The following CACNA1E variants were observed in gnomAD, a reference collection of about 807,000 sequenced individuals.
CACNA1E encodes the protein voltage-dependent R-type calcium channel subunit alpha-1E.
In CACNA1E, 40 loss-of-function variants were observed where a neutral mutation model predicts 259.2. The observed-to-expected ratio is 0.15, with a 90% confidence interval of 0.12 to 0.20. The LOEUF (loss-of-function observed/expected upper bound fraction) is 0.20, where lower values mean the gene tolerates loss of function less well. Ranked by LOEUF, CACNA1E falls within the 10% of genes least tolerant of loss-of-function variation. CACNA1E has a pLI of 1.00. For synonymous variants in CACNA1E, 1,104 were observed against 1,138.5 expected (o/e 0.97, Z 0.61); for missense variants, 1,874 against 3,040.1 (o/e 0.62, Z 9.02).
At chr1:181,486,042 C>T (rs1352986249) in intron 1 of CACNA1E, among the ~76,000 whole-genome samples, 1 of 152,272 alleles carries the variant, frequency 6.6e-6, no homozygotes, top group African/African-American at 2.4e-5. Flanking sequence ...GTTTCCTACA[C>T]CACGTGGTCA....
chr1:181,584,753 C>T (rs766535881), intron 6 of CACNA1E, among the ~76,000 whole-genome samples: 6 of 152,140 alleles, frequency 3.9e-5, no homozygotes, highest in African/African-American at 7.2e-5. Flanking sequence ...ATGTGGCTTC[C>T]ATCTTTGCTT....
chr1:181,763,162 T>A (rs541370490), intron 33 of CACNA1E, among the ~76,000 whole-genome samples: 2 of 152,222 alleles, frequency 1.3e-5, no homozygotes, highest in African/African-American at 4.8e-5. Context: ...GGGAGGCTGG[T>A]TTTGTGTGCA....
intron 1 of CACNA1E, among the ~76,000 whole-genome samples, chr1:181,500,793 C>T (rs1363618508): frequency 6.6e-6 from 1 of 152,210 alleles, no homozygotes; most frequent in Non-Finnish European, 1.5e-5. Context: ...CTTTGAATGC[C>T]AGGGCACAGT....
chr1:181,681,394 T>G (rs1416290709), intron 7 of CACNA1E, among the ~76,000 whole-genome samples: 1 of 152,226 alleles, frequency 6.6e-6, no homozygotes, highest in Non-Finnish European at 1.5e-5. Context: ...CCTCTGGAAT[T>G]CCTGGAGCAT....
rs548140046 is a variant in CACNA1E at position 181,571,812 on chromosome 1, A to T, written c.513-5954A>T. Among the ~76,000 whole-genome samples, 6 of 152,088 alleles carry T rather than the reference A, an allele frequency of 3.9e-5. No individual in the cohort carries two copies. In the South Asian group the frequency reaches 1.3e-3, roughly 32 times the overall value. ...GAGACATCCTGGACCTAATGGTGTAAGATCTCTGGCTTGTGTCTCCTTTCA... is the reference window on the plus strand; with the variant it reads ...GAGACATCCTGGACCTAATGGTGTATGATCTCTGGCTTGTGTCTCCTTTCA... On this transcript the variant is annotated intron_variant, in intron 3 of 47. Coordinates refer to ENST00000367573, the MANE Select transcript of CACNA1E (RefSeq NM_001205293.3).
At chr1:181,617,575 A>G (rs1655339546) in intron 6 of CACNA1E, among the ~76,000 whole-genome samples, 1 of 152,154 alleles carries the variant, frequency 6.6e-6, no homozygotes, top group African/African-American at 2.4e-5. Context: ...TTTCATGCCA[A>G]TCCCCCTATC....
intron 7 of CACNA1E, among the ~76,000 whole-genome samples, chr1:181,702,227 C>T (rs1383902737): frequency 6.6e-6 from 1 of 152,040 alleles, no homozygotes; most frequent in Non-Finnish European, 1.5e-5. Flanking sequence ...TAGCTTAAAA[C>T]TTTGGGGTCA....
At chr1:181,763,565 G>C in intron 34 of CACNA1E, 34 bp downstream of exon 34, 2 of 1,513,094 alleles carry the variant, frequency 1.3e-6, no homozygotes, top group Non-Finnish European at 9.0e-7. Flanking sequence ...TCTGAGGGTT[G>C]TCATATCAGA....
intron 36 of CACNA1E, chr1:181,771,698 T>G: frequency 2.1e-6 from 1 of 466,412 alleles, no homozygotes; most frequent in Admixed American, 3.7e-5. Flanking sequence ...ATTTGCAAAT[T>G]TTAACTTCAA....
intron 7 of CACNA1E, among the ~76,000 whole-genome samples, chr1:181,692,968 C>A (rs193298985): frequency 1.3e-5 from 2 of 151,920 alleles, no homozygotes; most frequent in African/African-American, 4.8e-5. Context: ...CAAACAACCC[C>A]ATTAAAAAAT....
At chr1:181,492,605 G>A (rs898066163) in intron 1 of CACNA1E, among the ~76,000 whole-genome samples, 3 of 152,128 alleles carry the variant, frequency 2.0e-5, no homozygotes, top group African/African-American at 4.8e-5. Flanking sequence ...TAGATTTACT[G>A]GGCAAGTTCC....
At chr1:181,547,682 G>A (rs936837541) in intron 3 of CACNA1E, among the ~76,000 whole-genome samples, 5 of 152,224 alleles carry the variant, frequency 3.3e-5, no homozygotes, top group Admixed American at 6.5e-5. Flanking sequence ...CATCAACAGC[G>A]GCGGAGATGC....
intron 6 of CACNA1E, among the ~76,000 whole-genome samples, chr1:181,591,293 T>G (rs1181799493): frequency 6.6e-6 from 1 of 152,218 alleles, no homozygotes; most frequent in Admixed American, 6.5e-5. Context: ...ATTAGAAAGC[T>G]TCTAGTTCTG....
intron 6 of CACNA1E, among the ~76,000 whole-genome samples, chr1:181,638,192 G>C (rs1657413929): frequency 6.6e-6 from 1 of 152,202 alleles, no homozygotes; most frequent in South Asian, 2.1e-4. Flanking sequence ...CAGAATGGCT[G>C]TTGTACAACT....
chr1:181,473,047 A>G (rs1253712514), intron 2 of CACNA1E, among the ~76,000 whole-genome samples: 1 of 152,246 alleles, frequency 6.6e-6, no homozygotes, highest in Non-Finnish European at 1.5e-5. Context: ...AATTAAAGCC[A>G]GAACTAATGA....
chr1:181,684,071 A>G (rs1650265985), intron 7 of CACNA1E, among the ~76,000 whole-genome samples: 1 of 152,194 alleles, frequency 6.6e-6, no homozygotes, highest in South Asian at 2.1e-4. Flanking sequence ...TGCTTTCCAC[A>G]GTGGCTGAAC....
chr1:181,517,230 G>A (rs571939102), intron 3 of CACNA1E, among the ~76,000 whole-genome samples: 1 of 152,210 alleles, frequency 6.6e-6, no homozygotes, highest in Non-Finnish European at 1.5e-5. Context: ...AAGGAGAAGA[G>A]CCCTTCTGGG....
Position 181,790,476 on chromosome 1 carries a change from C to T in CACNA1E, c.5818C>T (p.Pro1940Ser). The part of the protein sequence containing the change: ...SGRSGYPSMS[P>S]LSPQDIFQLA... ...CCGGAGTGGATACCCTTCGATGAGT[C>T]CACTCTCTCCCCAGGATATATTCCA... The change falls in exon 44 of 48, where the codon CCA becomes TCA. Residue 1940 changes from proline (P) to serine (S), a missense_variant. Pro to Ser is a moderately conservative substitution (Grantham distance 74, BLOSUM62 -1). Transcript: ENST00000367573. 1.2e-6 allele frequency: 2 copies of T among 1,613,202 alleles called. No homozygotes were observed. Among genetic ancestry groups the T allele is most frequent in the Middle Eastern group, 1.6e-4 (1 of 6,062 alleles).
At chr1:181,579,857 T>C (rs1651347397) in intron 5 of CACNA1E, among the ~76,000 whole-genome samples, 2 of 152,212 alleles carry the variant, frequency 1.3e-5, no homozygotes, top group African/African-American at 4.8e-5. Context: ...CACCATCTTC[T>C]CGCTCTCTGT....
Sources: gnomAD v4.1 joint callset for allele counts (sites outside exome capture counted in the v4.1 genomes callset) on GRCh38, gnomAD v4.1.1 for gene constraint, MANE v1.5 for transcripts, NCBI Gene and HGNC (gene_info 2026-07-23, HGNC 2026-07-21) for gene names.